Variants in GRHL2 observed in about 807,000 individuals in gnomAD.
GRHL2 encodes grainyhead like transcription factor 2, also known as grainyhead-like protein 2 homolog.
Under a neutral mutation model 83.8 loss-of-function variants are expected in GRHL2, and 21 were observed. The ratio of observed to expected loss-of-function variants is 0.25; its 90% CI spans 0.18 to 0.36. GRHL2 has a LOEUF of 0.36. GRHL2 is among the 10% of genes least tolerant of loss of function. The pLI, the probability that GRHL2 is intolerant of heterozygous loss-of-function variation, is 1.00. For synonymous variants in GRHL2, 280 were observed against 278.9 expected (o/e 1.00, Z -0.04); for missense variants, 623 against 781.8 (o/e 0.80, Z 2.42).
chr8:101,552,836 GT>G, intron 3 of GRHL2, 54 bp downstream of exon 3: 2 of 1,513,682 alleles, frequency 1.3e-6, no homozygotes, highest in South Asian at 2.3e-5. Flanking sequence ...AAAAAACAAT[GT>G]TATTAAACTG....
At chr8:101,652,447 GGTGTGTGTC>G (rs1813669583) in intron 14 of GRHL2, among the ~76,000 whole-genome samples, 3 of 71,314 alleles carry the variant, frequency 4.2e-5, no homozygotes, top group African/African-American at 1.2e-4. Flanking sequence ...TGGTGTGTGT[GGTGTGTGTC>G]TGGTGTGTGT....
intron 14 of GRHL2, among the ~76,000 whole-genome samples, chr8:101,651,025 A>G (rs866310035): frequency 6.6e-6 from 1 of 152,146 alleles, no homozygotes. Context: ...GTTTGTTGTT[A>G]CTGGATCTGC....
At chr8:101,505,597 AC>A (rs1473576251) in intron 1 of GRHL2, among the ~76,000 whole-genome samples, 4 of 149,106 alleles carry the variant, frequency 2.7e-5, no homozygotes, top group Admixed American at 2.0e-4. Flanking sequence ...AAAAAAAAAA[AC>A]AGTGTAAATA....
chr8:101,675,323 T>C, the GRHL2 span, among the ~76,000 whole-genome samples: 59,586 of 151,686 alleles, frequency 0.39, 12,124 homozygotes, highest in South Asian at 0.53. Context: ...TCGTCTCAGC[T>C]CAAAATCTCC....
At chr8:101,608,345 C>G (rs1812671562) in intron 8 of GRHL2, among the ~76,000 whole-genome samples, 1 of 151,094 alleles carries the variant, frequency 6.6e-6, no homozygotes, top group African/African-American at 2.5e-5. Flanking sequence ...AGTAATATCT[C>G]CTTTATTATC....
Position 101,533,765 on chromosome 8 carries a change from C to G in GRHL2, c.21-9476C>G, listed in dbSNP as rs182828657. ...CAAAAGCTTAAAGGAGATGAGAGAG[C>G]TAGCCTTAGGTATTTGGGGGAAGAA... On this transcript the variant is annotated intron_variant, in intron 1 of 15. Coordinates refer to ENST00000646743, the MANE Select transcript of GRHL2 (RefSeq NM_024915.4). 3.3e-5 allele frequency among the ~76,000 whole-genome samples: 5 copies of G among 152,226 alleles called. No individual in the cohort carries two copies. The East Asian group carries it at 9.6e-4, about 29-fold the overall frequency.
intron 14 of GRHL2, among the ~76,000 whole-genome samples, chr8:101,663,369 T>G (rs959740403): frequency 2.0e-5 from 3 of 152,056 alleles, no homozygotes; most frequent in Admixed American, 1.3e-4. Context: ...ATCCCAGGAC[T>G]TTGGGAGGCC....
At chr8:101,580,429 C>T (rs745558255) in intron 7 of GRHL2, among the ~76,000 whole-genome samples, 138 of 152,302 alleles carry the variant, frequency 9.1e-4, no homozygotes, top group Non-Finnish European at 1.1e-3. Flanking sequence ...TGTTTGTACC[C>T]ATTAACCAAC....
chr8:101,619,377 T>C lies in GRHL2; in HGVS notation c.1099-162T>C, dbSNP rs1391287674. Among the ~76,000 whole-genome samples, 4 of 152,234 alleles carry C rather than the reference T, an allele frequency of 2.6e-5. No individual in the cohort carries two copies. The East Asian group carries it at 5.8e-4, about 22-fold the overall frequency. On this transcript the variant is annotated intron_variant, in intron 8 of 15. Coordinates refer to ENST00000646743, the MANE Select transcript of GRHL2 (RefSeq NM_024915.4). ...AAATAATGTATAATTATAAATTATA[T>C]GTTTTATGCTCAGCATGTTTTTATG...
intron 1 of GRHL2, among the ~76,000 whole-genome samples, chr8:101,499,072 C>CAA (rs397965242): frequency 0.025 from 2,268 of 91,266 alleles, 66 homozygotes; most frequent in African/African-American, 0.077. Flanking sequence ...GACTCCGTCT[C>CAA]AAAAAAAAAA....
At chr8:101,572,464 G>A (rs1212238353) in intron 5 of GRHL2, among the ~76,000 whole-genome samples, 1 of 152,128 alleles carries the variant, frequency 6.6e-6, no homozygotes, top group African/African-American at 2.4e-5. Context: ...AAACATTACA[G>A]GAATATTTAA....
At chr8:101,523,906 T>G (rs1347851705) in intron 1 of GRHL2, among the ~76,000 whole-genome samples, 3 of 152,220 alleles carry the variant, frequency 2.0e-5, no homozygotes, top group Non-Finnish European at 2.9e-5. Context: ...TAACCTTATT[T>G]GTTTTGACTC....
chr8:101,578,791 C>T (rs1811984781), intron 7 of GRHL2, among the ~76,000 whole-genome samples: 1 of 152,170 alleles, frequency 6.6e-6, no homozygotes, highest in Non-Finnish European at 1.5e-5. Flanking sequence ...TTCAGATCTT[C>T]CATTTCACCC....
chr8:101,624,107 C>T (rs1586152655), intron 9 of GRHL2, among the ~76,000 whole-genome samples: 1 of 150,124 alleles, frequency 6.7e-6, no homozygotes, highest in East Asian at 2.0e-4. Flanking sequence ...GGACAGTTTA[C>T]AGTACACAGT....
At chr8:101,581,921 A>G (rs1391352061) in intron 7 of GRHL2, among the ~76,000 whole-genome samples, 1 of 152,200 alleles carries the variant, frequency 6.6e-6, no homozygotes, top group Non-Finnish European at 1.5e-5. Flanking sequence ...GCACATTCAT[A>G]GATACAGTAA....
rs1813662555 is a variant in GRHL2, at chr8:101,652,401, G to GGTGTGTGTGTGGT, written c.1698+2924_1698+2936dup. Among the ~76,000 whole-genome samples, 162 of 62,324 alleles carry GGTGTGTGTGTGGT rather than the reference G, an allele frequency of 2.6e-3. 9 individuals are homozygous for GGTGTGTGTGTGGT. Among genetic ancestry groups the GGTGTGTGTGTGGT allele is most frequent in the Non-Finnish European group, 3.6e-3 (126 of 35,172 alleles). The allele number at this position is 62,324 out of a possible 152,430, so 40.9% of individuals were successfully genotyped here. On this transcript the variant is annotated intron_variant, in intron 14 of 15. Coordinates refer to ENST00000646743, the MANE Select transcript of GRHL2 (RefSeq NM_024915.4). The stretch of plus-strand genomic sequence containing the variant: ...GTGTGTGTGGTGTGTGTGTGTGTCT[G>GGTGTGTGTGTGGT]GTGTGTGTGTGGTGTGTGTGTGTGG...
At chr8:101,614,083 A>G (rs771430163) in intron 8 of GRHL2, among the ~76,000 whole-genome samples, 1 of 151,062 alleles carries the variant, frequency 6.6e-6, no homozygotes, top group African/African-American at 2.5e-5. Context: ...AAGTTAATGT[A>G]GCAATTCTAA....
At chr8:101,637,323 C>T (rs1813308579) in intron 12 of GRHL2, among the ~76,000 whole-genome samples, 1 of 152,194 alleles carries the variant, frequency 6.6e-6, no homozygotes, top group Non-Finnish European at 1.5e-5. Context: ...TCAAAGATGA[C>T]AGCCTACCCT....
intron 4 of GRHL2, among the ~76,000 whole-genome samples, chr8:101,567,789 G>A (rs1248599535): frequency 6.6e-6 from 1 of 152,140 alleles, no homozygotes; most frequent in Non-Finnish European, 1.5e-5. Context: ...TGCCATCTGG[G>A]GGATTAGAAC....
Sources: gnomAD v4.1 joint callset for allele counts (sites outside exome capture counted in the v4.1 genomes callset) on GRCh38, gnomAD v4.1.1 for gene constraint, MANE v1.5 for transcripts, NCBI Gene and HGNC (gene_info 2026-07-23, HGNC 2026-07-21) for gene names.